NOB1: variants seen among roughly 807,000 people sequenced by gnomAD.
The protein encoded by NOB1 is RNA-binding protein NOB1.
NOB1 carries 44 observed loss-of-function variants against 44.8 expected under a neutral mutation model. That is an observed-to-expected ratio of 0.98 (90% confidence interval 0.77 to 1.26). The LOEUF is 1.26. Among genes scored for constraint, NOB1 ranks in the 50% most tolerant of loss-of-function variants. The pLI is 0.00. For synonymous variants in NOB1, 238 were observed against 218.7 expected (o/e 1.09, Z -0.78); for missense variants, 560 against 544.8 (o/e 1.03, Z -0.28).
In NOB1 at chr16:69,750,615, G is replaced by C. The variant is rs1266575776; in HGVS notation, c.328-985C>G. On this transcript the variant is annotated intron_variant, in intron 3 of 8. Transcript: ENST00000268802. ...TGTACTCCAGCCCAGGTGATGACAG[G>C]ATCCTGTCTTATTAAAATACAAACA... Among the ~76,000 whole-genome samples the C allele has an allele frequency of 2.6e-5, 4 of 152,228 alleles. No homozygotes were observed. The South Asian group carries it at 8.3e-4, about 32-fold the overall frequency.
chr16:69,750,517 C>T (rs1027295961), intron 3 of NOB1, among the ~76,000 whole-genome samples: 1 of 151,942 alleles, frequency 6.6e-6, no homozygotes, highest in African/African-American at 2.4e-5. Context: ...GTCCCAGCTA[C>T]TCGGGAGGCT....
chr16:69,747,175 C>G (rs138128978), intron 7 of NOB1, among the ~76,000 whole-genome samples: 2,386 of 138,884 alleles, frequency 0.017, 65 homozygotes, highest in African/African-American at 0.056. Flanking sequence ...GAGTCGTGAT[C>G]GTGCCACTGC....
rs1439589272 is a variant in NOB1 at position 69,742,354 on chromosome 16, T to C, written c.1217A>G (p.Lys406Arg). ...RRRLNPNASR[K>R]KFVKKR ...TCTTCACCTTTTCTTCACAAACTTC[T>C]TTCTGGAAGCGTTGGGATTTAAGCG... Residue 406 changes from lysine to arginine, a missense_variant, in exon 9 of 9, where the codon AAG becomes AGG. Physicochemically the swap from Lys to Arg is conservative, Grantham distance 26. Coordinates refer to ENST00000268802, the MANE Select transcript of NOB1 (RefSeq NM_014062.3). The C allele has an allele frequency of 3.1e-6, 5 of 1,611,848 alleles. No individual in the cohort carries two copies. Among genetic ancestry groups the C allele is most frequent in the African/African-American group, 1.3e-5 (1 of 74,884 alleles).
At chr16:69,746,486 TGA>T (rs1437211112) in intron 7 of NOB1, among the ~76,000 whole-genome samples, 2 of 152,202 alleles carry the variant, frequency 1.3e-5, no homozygotes, top group Non-Finnish European at 1.5e-5. Flanking sequence ...AGAAAAGCAA[TGA>T]GAGGTCAGTG....
intron 8 of NOB1, 54 bp from the exon 9 acceptor site, chr16:69,742,655 A>G: frequency 6.3e-7 from 1 of 1,584,212 alleles, no homozygotes; most frequent in Non-Finnish European, 8.6e-7. Flanking sequence ...CAGTCACACA[A>G]GGCCATGGCT....
At chr16:69,745,789 A>G (rs1045548283) in intron 7 of NOB1, among the ~76,000 whole-genome samples, 1 of 152,246 alleles carries the variant, frequency 6.6e-6, no homozygotes, top group African/African-American at 2.4e-5. Context: ...TGGCTGGAGA[A>G]GCCAAATGCC....
intron 7 of NOB1, among the ~76,000 whole-genome samples, chr16:69,746,472 A>G (rs2038432039): frequency 1.3e-5 from 2 of 152,232 alleles, no homozygotes; most frequent in Admixed American, 6.5e-5. Flanking sequence ...CCAACTCAAG[A>G]GTCAGAAAAG....
chr16:69,754,008 T>C (rs993096964), intron 2 of NOB1, among the ~76,000 whole-genome samples: 3 of 152,212 alleles, frequency 2.0e-5, no homozygotes, highest in Non-Finnish European at 4.4e-5. Context: ...TTTCACCATG[T>C]TGGTCAGGCT....
chr16:69,745,268 G>A (rs1290919464), intron 7 of NOB1, among the ~76,000 whole-genome samples: 5 of 152,154 alleles, frequency 3.3e-5, no homozygotes, highest in East Asian at 1.9e-4. Context: ...GGTGAATCCC[G>A]AACCCTTCCT....
At chr16:69,748,846 T>A in intron 6 of NOB1, 72 bp downstream of exon 6, 2 of 1,329,928 alleles carry the variant, frequency 1.5e-6, no homozygotes, top group Non-Finnish European at 2.0e-6. Context: ...CAGTTCCGTG[T>A]ACATCTGTAC....
intron 8 of NOB1, among the ~76,000 whole-genome samples, chr16:69,743,974 T>A (rs912639381): frequency 6.6e-6 from 1 of 152,174 alleles, no homozygotes; most frequent in East Asian, 1.9e-4. Context: ...TGTACATGTA[T>A]AAAGAGAAAG....
chr16:69,749,979 A>G (rs1288796444), intron 3 of NOB1, among the ~76,000 whole-genome samples: 1 of 63,182 alleles, frequency 1.6e-5, no homozygotes, highest in African/African-American at 2.1e-4. Flanking sequence ...ACTCTGTCTC[A>G]AAAAAAAAAA....
Position 69,749,061 on chromosome 16 carries a change from C to T in NOB1, c.583G>A (p.Glu195Lys). 6.2e-7 allele frequency: 1 copy of T among 1,614,266 alleles called. No homozygotes were observed. The highest frequency in any genetic ancestry group is 8.5e-7 in the Non-Finnish European group (1 of 1,180,058). The change falls in exon 6 of 9, where the codon GAA becomes AAA. Residue 195 changes from glutamate to lysine, a missense_variant. Transcript: ENST00000268802. Reference protein sequence around the residue: ...EEEEEEENGFEDRKDDSDDDG... With the variant: ...EEEEEEENGFKDRKDDSDDDG... ...TCATCGCTGTCATCTTTTCTGTCTT[C>T]AAACCCGTTTTCTTCCTCCTCCTCC... is the stretch of plus-strand genomic sequence containing the variant.
rs1355775499 is a variant in NOB1, at chr16:69,744,886, G to T, written c.956C>A (p.Pro319His). 1 of 1,613,470 alleles carries T rather than the reference G, an allele frequency of 6.2e-7. No homozygotes were observed. Among genetic ancestry groups the T allele is most frequent in the South Asian group, 1.1e-5 (1 of 91,040 alleles). The change falls in exon 8 of 9, where the codon CCC becomes CAC. Residue 319 changes from proline to histidine, a missense_variant. Transcript: ENST00000268802. ...GGCGCCACTCACCCGGAGGCCGCGG[G>T]GGTTCAGCACCTTGGGGTTGCGGGA... The part of the protein sequence containing the change: ...HFSRNPKVLN[P>H]RGLRYSLPTP...
In NOB1 at chr16:69,741,874, TAG is replaced by T. The variant is rs1441588762; in HGVS notation, c.*456_*457del. On this transcript the variant is annotated 3_prime_UTR_variant, in exon 9 of 9. Transcript: ENST00000268802. The stretch of plus-strand genomic sequence containing the variant: ...AGGTTAAAAGAAAAGAAAGAAATGG[TAG>T]TTCTTAGTTTTATTATAACCTTGTA... 6.5e-6 allele frequency: 1 copy of T among 154,634 alleles called. No homozygotes were observed. Among genetic ancestry groups the T allele is most frequent in the African/African-American group, 2.4e-5 (1 of 41,458 alleles). The allele number at this position is 154,634 out of a possible 1,614,324, so 9.6% of individuals were successfully genotyped here.
intron 2 of NOB1, among the ~76,000 whole-genome samples, chr16:69,752,603 A>G (rs2038492209): frequency 6.6e-6 from 1 of 152,160 alleles, no homozygotes; most frequent in Non-Finnish European, 1.5e-5. Flanking sequence ...CATGCCAGTT[A>G]GATTTACTGT....
At chr16:69,752,547 T>C (rs1403698448) in intron 2 of NOB1, among the ~76,000 whole-genome samples, 176 bp from the exon 3 acceptor site, 2 of 152,236 alleles carry the variant, frequency 1.3e-5, no homozygotes, top group African/African-American at 4.8e-5. Flanking sequence ...TTTCTGACCT[T>C]TTCCTACTCG....
At chr16:69,745,652 A>C (rs1165987928) in intron 7 of NOB1, among the ~76,000 whole-genome samples, 30 of 152,336 alleles carry the variant, frequency 2.0e-4, no homozygotes, top group East Asian at 3.9e-4. Context: ...TATGCACTCA[A>C]GCCCCGACAG....
At chr16:69,748,672 GA>G (rs145944004) in intron 6 of NOB1, 45 of 516,368 alleles carry the variant, frequency 8.7e-5, no homozygotes, top group South Asian at 1.3e-4. Flanking sequence ...TATATATACT[GA>G]AAAAAAAATC....
Sources: allele counts gnomAD v4.1 joint callset (sites outside exome capture counted in the v4.1 genomes callset), GRCh38; gene constraint gnomAD v4.1.1; transcripts MANE v1.5; gene names NCBI Gene and HGNC (gene_info 2026-07-23, HGNC 2026-07-21).